MED27: variants seen among roughly 807,000 people sequenced by gnomAD.
MED27 encodes the protein mediator complex subunit 27.
In MED27, 30 loss-of-function variants were observed where a neutral mutation model predicts 38.2. That is an observed-to-expected ratio of 0.79 (90% CI 0.59 to 1.07). The LOEUF (loss-of-function observed/expected upper bound fraction) is 1.07, where lower values mean the gene tolerates loss of function less well. Among genes scored for constraint, MED27 ranks in the 50% least tolerant of loss-of-function variants. The pLI is 0.00. For missense variants in MED27, 289 were observed against 397.5 expected (o/e 0.73, Z 2.32); for synonymous variants, 122 against 153.5 (o/e 0.79, Z 1.52).
chr9:131,970,546 T>C (rs931147633), intron 3 of MED27, among the ~76,000 whole-genome samples: 4 of 152,160 alleles, frequency 2.6e-5, no homozygotes, highest in Non-Finnish European at 4.4e-5. Flanking sequence ...CACAAGCCGG[T>C]GAAAACTGTA....
chr9:131,981,964 C>T (rs371429553), intron 3 of MED27, among the ~76,000 whole-genome samples: 2 of 152,194 alleles, frequency 1.3e-5, no homozygotes, highest in African/African-American at 4.8e-5. Flanking sequence ...CCCAGACCCT[C>T]CCCTGACGTC....
intron 2 of MED27, among the ~76,000 whole-genome samples, chr9:132,022,949 G>C (rs4360407): frequency 1.6e-4 from 24 of 152,190 alleles, no homozygotes; most frequent in Admixed American, 1.6e-3. Context: ...TCAACACCTG[G>C]GGATTACAAT....
At chr9:131,903,214 G>A (rs1829986393) in intron 4 of MED27, among the ~76,000 whole-genome samples, 1 of 152,222 alleles carries the variant, frequency 6.6e-6, no homozygotes, top group Non-Finnish European at 1.5e-5. Context: ...GGAAGGCAAG[G>A]AGGCGCAAGT....
At chr9:131,984,053 G>C (rs1274654261) in intron 3 of MED27, among the ~76,000 whole-genome samples, 1 of 152,028 alleles carries the variant, frequency 6.6e-6, no homozygotes, top group Non-Finnish European at 1.5e-5. Flanking sequence ...TTATGTCACT[G>C]TTCCCCATCC....
intron 3 of MED27, among the ~76,000 whole-genome samples, chr9:131,954,171 C>T (rs764249938): frequency 6.6e-6 from 1 of 152,134 alleles, no homozygotes; most frequent in Non-Finnish European, 1.5e-5. Flanking sequence ...AATGGACAAG[C>T]ACCCTAGGAG....
chr9:132,012,862 G>A (rs1001401970), intron 3 of MED27, among the ~76,000 whole-genome samples: 1 of 152,144 alleles, frequency 6.6e-6, no homozygotes, highest in African/African-American at 2.4e-5. Context: ...TTATATCCTT[G>A]GGGCCTAGAA....
rs1209450573 is a variant in MED27 at position 131,860,951 on chromosome 9, C to A, written c.802-279G>T. ...GCCTCCCTGGAGTCCCCGTGAACCA[C>A]CGAGCAGCCTGGTGGTCTGGGGGCC... On this transcript the variant is annotated intron_variant, in intron 7 of 7. Transcript: ENST00000292035. This position sits in a 1 kb window ranked among gnomAD's most constrained non-coding sequence, Gnocchi z 5.8. Among the ~76,000 whole-genome samples the A allele has an allele frequency of 1.3e-5, 2 of 152,160 alleles. No individual in the cohort carries two copies. Among genetic ancestry groups the A allele is most frequent in the Non-Finnish European group, 1.5e-5 (1 of 68,038 alleles).
intron 3 of MED27, among the ~76,000 whole-genome samples, chr9:131,947,709 C>T (rs1461655232): frequency 6.6e-6 from 1 of 151,966 alleles, no homozygotes; most frequent in Non-Finnish European, 1.5e-5. Context: ...CACAACAAAT[C>T]TGGGCCCTAG....
At chr9:131,929,890 T>C (rs1343343294) in intron 4 of MED27, among the ~76,000 whole-genome samples, 1 of 152,206 alleles carries the variant, frequency 6.6e-6, no homozygotes. Flanking sequence ...GCACCTTGAA[T>C]GAACATAGGC....
intron 5 of MED27, among the ~76,000 whole-genome samples, chr9:131,893,385 C>G (rs1005263322): frequency 6.6e-6 from 1 of 152,164 alleles, no homozygotes; most frequent in Non-Finnish European, 1.5e-5. Context: ...TGAAACAAGT[C>G]ACCCGTGGAA....
intron 3 of MED27, among the ~76,000 whole-genome samples, chr9:132,006,642 G>T (rs1832362770): frequency 6.6e-6 from 1 of 151,558 alleles, no homozygotes; most frequent in Non-Finnish European, 1.5e-5. Context: ...TACCTGTATG[G>T]CAGAGGAAAA....
chr9:131,953,919 G>A (rs928175577), intron 3 of MED27, among the ~76,000 whole-genome samples: 2 of 151,230 alleles, frequency 1.3e-5, no homozygotes, highest in Non-Finnish European at 2.9e-5. Flanking sequence ...CCGGGTTCAA[G>A]TGATTCTTGT....
At chr9:131,920,018 C>T (rs148436045) in intron 4 of MED27, among the ~76,000 whole-genome samples, 1 of 152,098 alleles carries the variant, frequency 6.6e-6, no homozygotes, top group East Asian at 1.9e-4. Flanking sequence ...TCCATGTTGC[C>T]CAGCCTGGTC....
rs1248703470 is a variant in MED27, at chr9:131,872,648, G to C, written c.724-9508C>G. Among the ~76,000 whole-genome samples the C allele has an allele frequency of 6.6e-6, 1 of 151,330 alleles. No individual in the cohort carries two copies. The highest frequency in any genetic ancestry group is 2.5e-5 in the African/African-American group (1 of 40,606). Reference sequence around the variant, plus strand: ...TCTTCCCTGCTGGCCCTCGGTAGAAGAGCGTGGGGAGGCTGGGGTGGGGCT... The same window carrying C: ...TCTTCCCTGCTGGCCCTCGGTAGAACAGCGTGGGGAGGCTGGGGTGGGGCT... On this transcript the variant is annotated intron_variant, in intron 6 of 7. Transcript: ENST00000292035. This position sits in a 1 kb window ranked among gnomAD's most constrained non-coding sequence, Gnocchi z 5.6.
At chr9:131,867,335 G>A (rs1838754211) in intron 6 of MED27, among the ~76,000 whole-genome samples, 1 of 152,208 alleles carries the variant, frequency 6.6e-6, no homozygotes, top group Non-Finnish European at 1.5e-5. Flanking sequence ...CTCTGTGGTA[G>A]AAGTTACCAG....
intron 2 of MED27, among the ~76,000 whole-genome samples, chr9:132,035,799 C>T (rs1045228976): frequency 6.6e-6 from 1 of 152,114 alleles, no homozygotes; most frequent in East Asian, 1.9e-4. Context: ...CCCATCTCTA[C>T]CAAAAAATTT....
chr9:131,918,682 CCTTCT>C (rs1830335782), intron 4 of MED27, among the ~76,000 whole-genome samples: 2 of 151,920 alleles, frequency 1.3e-5, no homozygotes, highest in African/African-American at 4.8e-5. Flanking sequence ...GAAAGCAACT[CCTTCT>C]GCTTCCTGTA....
chr9:132,053,414 G>A lies in MED27; in HGVS notation c.348+24028C>T, dbSNP rs77532946. 5.4e-3 allele frequency among the ~76,000 whole-genome samples: 828 copies of A among 152,104 alleles called. 13 individuals are homozygous for A. The highest frequency in any genetic ancestry group is 0.019 in the African/African-American group (773 of 41,482). ...CAATATAGTACACCAGGGAGAAAGA[G>A]ATTTGGGTACCTAGCAGAAATGCTT... On this transcript the variant is annotated intron_variant, in intron 2 of 7. Coordinates refer to ENST00000292035, the MANE Select transcript of MED27 (RefSeq NM_004269.4).
At chr9:132,042,930 C>T (rs1833250055) in intron 2 of MED27, among the ~76,000 whole-genome samples, 1 of 152,102 alleles carries the variant, frequency 6.6e-6, no homozygotes, top group Admixed American at 6.5e-5. Context: ...GCTATGGGAA[C>T]AAATTAGAGA....
Sources: allele counts gnomAD v4.1 joint callset (sites outside exome capture counted in the v4.1 genomes callset), GRCh38; gene constraint gnomAD v4.1.1; non-coding constraint Gnocchi (gnomAD v3.1); transcripts MANE v1.5; gene names NCBI Gene and HGNC (gene_info 2026-07-23, HGNC 2026-07-21).